CAPZB: variants seen among roughly 807,000 people sequenced by gnomAD.
The protein encoded by CAPZB is capping actin protein of muscle Z-line subunit beta, also known as F-actin-capping protein subunit beta.
CAPZB carries 2 observed loss-of-function variants against 38.1 expected under a neutral mutation model. The ratio of observed to expected loss-of-function variants is 0.05; its 90% CI spans 0.02 to 0.17. The LOEUF (loss-of-function observed/expected upper bound fraction) is 0.17, where lower values mean the gene tolerates loss of function less well. CAPZB is among the 10% of genes least tolerant of loss of function. The probability of loss-of-function intolerance (pLI) is 1.00; values close to 1 mark genes in which losing one functional copy is unlikely to be tolerated. For synonymous variants in CAPZB, 107 were observed against 127.4 expected (o/e 0.84, Z 1.08); for missense variants, 161 against 334.2 (o/e 0.48, Z 4.04).
At chr1:19,476,494 G>A (rs1478693564) in intron 1 of CAPZB, among the ~76,000 whole-genome samples, 2 of 152,200 alleles carry the variant, frequency 1.3e-5, no homozygotes, top group African/African-American at 4.8e-5. Flanking sequence ...GACCAGGGCT[G>A]GGATGGGGCT....
intron 1 of CAPZB, among the ~76,000 whole-genome samples, chr1:19,476,622 G>A (rs112215798): frequency 0.023 from 3,506 of 152,304 alleles, 132 homozygotes; most frequent in African/African-American, 0.078. Flanking sequence ...GAAGAGCCAG[G>A]GACACTGACA....
At position 19,401,401 on chromosome 1, in the gene CAPZB, C is replaced by G. The variant is rs551128946; in HGVS notation, c.94-15775G>C. ...TGCAAAGCCCAGGGAGCATCAGCAT[C>G]GGCAAATCTCCCCTTGGTCTCCGGA... On this transcript the variant is annotated intron_variant, in intron 2 of 8. Transcript: ENST00000264202. Among the ~76,000 whole-genome samples, 261 of 152,246 alleles carry G rather than the reference C, an allele frequency of 1.7e-3. 1 individual carries two copies. The highest frequency in any genetic ancestry group is 5.2e-3 in the African/African-American group (215 of 41,554).
intron 6 of CAPZB, among the ~76,000 whole-genome samples, chr1:19,355,176 T>C (rs1184896898): frequency 1.3e-5 from 2 of 152,136 alleles, no homozygotes; most frequent in Admixed American, 6.5e-5. Context: ...TTGTAACTAG[T>C]AGAATGCAAA....
At chr1:19,477,177 G>A (rs2094609845) in intron 1 of CAPZB, among the ~76,000 whole-genome samples, 1 of 152,170 alleles carries the variant, frequency 6.6e-6, no homozygotes, top group African/African-American at 2.4e-5. Context: ...CAGACTGAAG[G>A]TATCCTTCAT....
At chr1:19,366,055 C>T (rs1431555164) in intron 4 of CAPZB, among the ~76,000 whole-genome samples, 2 of 151,346 alleles carry the variant, frequency 1.3e-5, no homozygotes, top group South Asian at 4.2e-4. Context: ...TAAGATTCCA[C>T]GAGTCTTTCT....
chr1:19,420,172 G>A (rs1384564444), intron 1 of CAPZB: 1 of 156,962 alleles, frequency 6.4e-6, no homozygotes, highest in Admixed American at 6.4e-5. Flanking sequence ...CCCCAGGCCA[G>A]GTTCCTTGAG....
intron 4 of CAPZB, among the ~76,000 whole-genome samples, chr1:19,369,927 C>G (rs2094111136): frequency 6.6e-6 from 1 of 152,240 alleles, no homozygotes; most frequent in Admixed American, 6.5e-5. Context: ...AGAGTTCACT[C>G]AGCCAGAGCA....
intron 2 of CAPZB, among the ~76,000 whole-genome samples, chr1:19,393,688 G>C (rs1198001231): frequency 3.9e-5 from 6 of 152,270 alleles, no homozygotes; most frequent in Non-Finnish European, 5.9e-5. Context: ...GGGACTGTGA[G>C]GACCAAAGCT....
At position 19,339,340 on chromosome 1, in the gene CAPZB, C is replaced by T; in HGVS notation, c.*190G>A. On this transcript the variant is annotated 3_prime_UTR_variant, in exon 9 of 9. Transcript: ENST00000264202. ...AACTGAGAGCGAGGTGTGGCAGAAG[C>T]AGGCTCGGAGCCGGAGGAGGGTGGC... The T allele has an allele frequency of 3.1e-6, 2 of 635,092 alleles. No homozygotes were observed. Among genetic ancestry groups the T allele is most frequent in the Non-Finnish European group, 5.6e-6 (2 of 355,446 alleles). 39.3% of individuals were successfully genotyped at this position (635,092 alleles called of 1,614,324 possible).
At chr1:19,397,761 C>T (rs780953262) in intron 2 of CAPZB, among the ~76,000 whole-genome samples, 45 of 152,206 alleles carry the variant, frequency 3.0e-4, no homozygotes, top group Non-Finnish European at 4.7e-4. Flanking sequence ...CAAATGTCCA[C>T]GTCTAAACCT....
chr1:19,453,657 A>G (rs2094523989), intron 1 of CAPZB, among the ~76,000 whole-genome samples: 1 of 152,030 alleles, frequency 6.6e-6, no homozygotes, highest in African/African-American at 2.4e-5. Context: ...CTCTCCTTCT[A>G]GGTCTTCCCT....
At chr1:19,456,813 G>C (rs1197309459) in intron 1 of CAPZB, among the ~76,000 whole-genome samples, 11 of 152,196 alleles carry the variant, frequency 7.2e-5, no homozygotes, top group African/African-American at 2.4e-4. Flanking sequence ...AAAGGGAGAA[G>C]GGAAGATGAT....
At chr1:19,455,092 T>A (rs1299484101) in intron 1 of CAPZB, among the ~76,000 whole-genome samples, 2 of 152,162 alleles carry the variant, frequency 1.3e-5, no homozygotes, top group Admixed American at 1.3e-4. Flanking sequence ...AGCCTGGCTG[T>A]GGAGACAGAG....
At chr1:19,441,485 GCA>G (rs1385706971) in intron 1 of CAPZB, among the ~76,000 whole-genome samples, 1 of 152,174 alleles carries the variant, frequency 6.6e-6, no homozygotes, top group Admixed American at 6.5e-5. Flanking sequence ...GTGAGGTATA[GCA>G]CACTCATTCA....
chr1:19,412,018 A>G (rs1249972512), intron 2 of CAPZB, among the ~76,000 whole-genome samples: 1 of 152,208 alleles, frequency 6.6e-6, no homozygotes, highest in Non-Finnish European at 1.5e-5. Context: ...CAGTCCCCAC[A>G]GCTGCCGCCC....
chr1:19,385,824 C>A, intron 2 of CAPZB, 198 bp from the exon 3 acceptor site: 1 of 744,126 alleles, frequency 1.3e-6, no homozygotes, highest in East Asian at 2.6e-5. Context: ...GAAACCCATT[C>A]TTGAATTACA....
At chr1:19,475,574 C>T (rs1570372668) in intron 1 of CAPZB, among the ~76,000 whole-genome samples, 1 of 152,214 alleles carries the variant, frequency 6.6e-6, no homozygotes, top group Non-Finnish European at 1.5e-5. Context: ...GCAGACCCCG[C>T]TCGGCTCCTC....
intron 1 of CAPZB, among the ~76,000 whole-genome samples, chr1:19,430,102 T>G (rs1017920375): frequency 1.3e-5 from 2 of 152,140 alleles, no homozygotes; most frequent in Admixed American, 6.5e-5. Context: ...TTCTCCCTAT[T>G]TACTGGTGCT....
chr1:19,346,793 C>T (rs935155904), intron 6 of CAPZB, among the ~76,000 whole-genome samples: 5 of 143,118 alleles, frequency 3.5e-5, no homozygotes, highest in East Asian at 2.1e-4. Context: ...ACACTGGGGG[C>T]GGCAGCACTG....
Sources: gnomAD v4.1 joint callset for allele counts (sites outside exome capture counted in the v4.1 genomes callset) on GRCh38, gnomAD v4.1.1 for gene constraint, MANE v1.5 for transcripts, NCBI Gene and HGNC (gene_info 2026-07-23, HGNC 2026-07-21) for gene names.